Variants in GPSM2 observed in about 807,000 individuals in gnomAD.
The protein encoded by GPSM2 is G protein-signaling modulator 2.
A neutral mutation model predicts 78.4 loss-of-function variants in GPSM2; 58 were observed. That is an observed-to-expected ratio of 0.74 (90% CI 0.60 to 0.92). The LOEUF (loss-of-function observed/expected upper bound fraction) is 0.92. GPSM2 is among the 40% of genes least tolerant of loss of function. The pLI is 0.00. For synonymous variants in GPSM2, 224 were observed against 280.2 expected (o/e 0.80, Z 2.00); for missense variants, 700 against 815.5 (o/e 0.86, Z 1.73).
intron 7 of GPSM2, among the ~76,000 whole-genome samples, chr1:108,900,695 T>C (rs11582114): frequency 0.018 from 2,779 of 152,272 alleles, 29 homozygotes; most frequent in Middle Eastern, 0.037. Flanking sequence ...CAAAGAATAA[T>C]GGTATGCCAG....
intron 10 of GPSM2, among the ~76,000 whole-genome samples, chr1:108,906,617 C>T (rs1414306471): frequency 6.6e-6 from 1 of 151,220 alleles, no homozygotes; most frequent in African/African-American, 2.4e-5. Context: ...TGGCTCACGC[C>T]TGTAATCCCC....
chr1:108,897,420 A>G (rs1206359088), intron 3 of GPSM2, 72 bp from the exon 4 acceptor site: 4 of 1,435,842 alleles, frequency 2.8e-6, no homozygotes, highest in Non-Finnish European at 3.8e-6. Context: ...TACTCTGGCT[A>G]CTTTATATTT....
intron 11 of GPSM2, among the ~76,000 whole-genome samples, chr1:108,916,410 T>C (rs989430625): frequency 2.0e-5 from 3 of 152,242 alleles, no homozygotes; most frequent in African/African-American, 7.2e-5. Context: ...GAGAATCATA[T>C]CCAAAATATT....
chr1:108,922,303 AT>A (rs1175946447), intron 12 of GPSM2, 113 bp from the exon 13 acceptor site: 3 of 766,254 alleles, frequency 3.9e-6, no homozygotes, highest in African/African-American at 1.8e-5. Flanking sequence ...CAAAATGTCA[AT>A]TTTTAATCCT....
intron 10 of GPSM2, among the ~76,000 whole-genome samples, chr1:108,912,794 C>T (rs1369732397): frequency 6.6e-6 from 1 of 150,666 alleles, no homozygotes; most frequent in Non-Finnish European, 1.5e-5. Flanking sequence ...ACAAGTAATC[C>T]CAACACTTTG....
intron 2 of GPSM2, 51 bp from the exon 3 acceptor site, chr1:108,896,813 T>C: frequency 7.6e-7 from 1 of 1,321,760 alleles, no homozygotes; most frequent in Non-Finnish European, 1.1e-6. Flanking sequence ...AAAAATACTG[T>C]GATGCAGCTG....
At position 108,929,748 on chromosome 1, in the gene GPSM2, A is replaced by C. The variant is rs1206854575; in HGVS notation, c.1863A>C (p.Thr621=). The stretch of plus-strand genomic sequence containing the variant: ...GATGTGCTCCACCACCTGCTACCAC[A>C]AAGGGTCCGACAGTACCAGATGAAG... ...DQRCAPPPAT[T]KGPTVPDEDF... is the part of the protein sequence containing the mutation. Residue 621 remains threonine, a synonymous_variant, in exon 15 of 15, where the codon ACA becomes ACC. Coordinates refer to ENST00000264126, the MANE Select transcript of GPSM2 (RefSeq NM_013296.5). The C allele has an allele frequency of 1.4e-5, 23 of 1,613,314 alleles. No homozygotes were observed. The highest frequency in any genetic ancestry group is 1.9e-5 in the Non-Finnish European group (22 of 1,179,404).
Position 108,918,618 on chromosome 1 carries a change from G to T in GPSM2, c.1269G>T (p.Gln423His), listed in dbSNP as rs1205906213. ...TTCCATTTATAATTTTGTAGGTACA[G>T]AACTGGAACAGTGAAATTCTTGCTA... ...ELMKLTPEKV[Q>H]NWNSEILAKQ... The change falls in exon 12 of 15, where the codon CAG becomes CAT. Residue 423 changes from glutamine (Q) to histidine (H), a missense_variant. Gln to His is a conservative substitution (Grantham distance 24). Coordinates refer to ENST00000264126, the MANE Select transcript of GPSM2 (RefSeq NM_013296.5). The T allele has an allele frequency of 5.0e-6, 8 of 1,611,942 alleles. No homozygotes were observed. Among genetic ancestry groups the T allele is most frequent in the East Asian group, 2.2e-5 (1 of 44,830 alleles).
At chr1:108,883,962 A>G (rs1332518893) in intron 1 of GPSM2, among the ~76,000 whole-genome samples, 3 of 152,006 alleles carry the variant, frequency 2.0e-5, no homozygotes, top group Non-Finnish European at 4.4e-5. Context: ...CCTGGGCTGG[A>G]GCGCAGTGGC....
intron 2 of GPSM2, among the ~76,000 whole-genome samples, chr1:108,888,454 C>G (rs189854041): frequency 1.3e-5 from 2 of 152,206 alleles, no homozygotes; most frequent in Non-Finnish European, 2.9e-5. Flanking sequence ...CTCAAGCAAT[C>G]CTCCCACCTC....
chr1:108,889,215 A>G lies in GPSM2; in HGVS notation c.56+3637A>G, dbSNP rs563100080. ...TTTGCCTCGAGAGTACACTGAACAA[A>G]GGAGACAGGGTCATTTATAACCTGA... On this transcript the variant is annotated intron_variant, in intron 2 of 14. Coordinates refer to ENST00000264126, the MANE Select transcript of GPSM2 (RefSeq NM_013296.5). Among the ~76,000 whole-genome samples the G allele has an allele frequency of 2.0e-5, 3 of 152,344 alleles. No individual in the cohort carries two copies. The South Asian group carries it at 6.2e-4, about 32-fold the overall frequency.
At chr1:108,886,146 C>T (rs1057187608) in intron 2 of GPSM2, among the ~76,000 whole-genome samples, 1 of 152,190 alleles carries the variant, frequency 6.6e-6, no homozygotes, top group Non-Finnish European at 1.5e-5. Flanking sequence ...CCTCCTGCCT[C>T]AGCCTCCAGA....
chr1:108,914,321 A>AT lies in GPSM2; in HGVS notation c.1193-9dup. On this transcript the variant is annotated splice_polypyrimidine_tract_variant and intron_variant, in intron 10 of 14. Coordinates refer to ENST00000264126, the MANE Select transcript of GPSM2 (RefSeq NM_013296.5). The stretch of plus-strand genomic sequence containing the variant: ...AGGGCTCCCTGGTTTATTTGAATTA[A>AT]TTTTTTTTAAACAAAGGTGTACGCC... 27 of 1,570,622 alleles carry AT rather than the reference A, an allele frequency of 1.7e-5. No individual in the cohort carries two copies. The highest frequency in any genetic ancestry group is 2.3e-5 in the Non-Finnish European group (26 of 1,140,692).
intron 14 of GPSM2, among the ~76,000 whole-genome samples, chr1:108,928,837 A>G (rs1007748397): frequency 3.9e-5 from 6 of 152,114 alleles, no homozygotes; most frequent in African/African-American, 1.4e-4. Context: ...TAAAAATACA[A>G]AAATTAGCCA....
intron 1 of GPSM2, among the ~76,000 whole-genome samples, chr1:108,879,775 A>T (rs537121068): frequency 1.3e-5 from 2 of 152,284 alleles, no homozygotes; most frequent in Non-Finnish European, 2.9e-5. Context: ...AGATCGCGCC[A>T]CTGCACTCCA....
chr1:108,890,612 T>TTGAACTCTTTATGTTAGGCCATAGGC (rs1330023107), intron 2 of GPSM2, among the ~76,000 whole-genome samples: 10 of 152,226 alleles, frequency 6.6e-5, no homozygotes, highest in Non-Finnish European at 1.5e-4. Context: ...GGGTAATGAT[T>TTGAACTCTTTATGTTAGGCCATAGGC]TGAACTCTTT....
At chr1:108,923,776 G>C (rs1650913759) in intron 13 of GPSM2, among the ~76,000 whole-genome samples, 1 of 152,170 alleles carries the variant, frequency 6.6e-6, no homozygotes, top group Admixed American at 6.5e-5. Flanking sequence ...TAACGTCCAA[G>C]TGGGTCATCT....
intron 10 of GPSM2, among the ~76,000 whole-genome samples, 192 bp from the exon 11 acceptor site, chr1:108,914,146 G>A (rs1433343356): frequency 6.6e-6 from 1 of 152,160 alleles, no homozygotes; most frequent in Non-Finnish European, 1.5e-5. Context: ...GCATTTTAGA[G>A]GGGAATGTAT....
At chr1:108,916,269 AAAAG>A (rs1650223078) in intron 11 of GPSM2, among the ~76,000 whole-genome samples, 3 of 151,980 alleles carry the variant, frequency 2.0e-5, no homozygotes, top group Admixed American at 6.6e-5. Flanking sequence ...TGAAAAAAAA[AAAAG>A]AAAAAGGAAC....
Sources: gnomAD v4.1 joint callset for allele counts (sites outside exome capture counted in the v4.1 genomes callset) on GRCh38, gnomAD v4.1.1 for gene constraint, MANE v1.5 for transcripts, NCBI Gene and HGNC (gene_info 2026-07-23, HGNC 2026-07-21) for gene names.